Variants in NELL2 observed in about 807,000 individuals in gnomAD.
The protein encoded by NELL2 is protein kinase C-binding protein NELL2.
In NELL2, 41 loss-of-function variants were observed where a neutral mutation model predicts 109.6. The ratio of observed to expected loss-of-function variants is 0.37; its 90% CI spans 0.29 to 0.49. The LOEUF is 0.49. Among genes scored for constraint, NELL2 ranks in the 20% least tolerant of loss-of-function variants. The pLI is 0.98. For missense variants in NELL2, 900 were observed against 1,008.3 expected (o/e 0.89, Z 1.45); for synonymous variants, 355 against 344.7 (o/e 1.03, Z -0.33).
At chr12:44,635,748 G>T (rs1800257540) in intron 13 of NELL2, among the ~76,000 whole-genome samples, 1 of 152,066 alleles carries the variant, frequency 6.6e-6, no homozygotes, top group South Asian at 2.1e-4. Flanking sequence ...CTTTGCTTAG[G>T]ATTGTCTTGG....
At chr12:44,776,477 GCTT>G (rs1214509525) in intron 7 of NELL2, among the ~76,000 whole-genome samples, 1 of 152,072 alleles carries the variant, frequency 6.6e-6, no homozygotes, top group Non-Finnish European at 1.5e-5. Flanking sequence ...TCATTTATAT[GCTT>G]CTTCAAGTAA....
At chr12:44,512,714 G>A (rs1941054649) in intron 19 of NELL2, among the ~76,000 whole-genome samples, 1 of 152,016 alleles carries the variant, frequency 6.6e-6, no homozygotes, top group South Asian at 2.1e-4. Flanking sequence ...AATAAGCCAG[G>A]TGCAGAAAGA....
chr12:44,538,718 C>G (rs1942403906), intron 15 of NELL2, among the ~76,000 whole-genome samples: 2 of 152,054 alleles, frequency 1.3e-5, no homozygotes, highest in South Asian at 4.2e-4. Context: ...AAAGTGGAGA[C>G]AAGGATAAAG....
At chr12:44,564,444 A>G (rs917641774) in intron 15 of NELL2, among the ~76,000 whole-genome samples, 3 of 152,236 alleles carry the variant, frequency 2.0e-5, no homozygotes, top group African/African-American at 7.2e-5. Flanking sequence ...CAGTATTTAT[A>G]TAGTATCCTC....
At chr12:44,658,922 G>A (rs1226303179) in intron 13 of NELL2, among the ~76,000 whole-genome samples, 1 of 150,908 alleles carries the variant, frequency 6.6e-6, no homozygotes, top group East Asian at 1.9e-4. Context: ...AACAAAGTTG[G>A]AGGCATCACA....
At chr12:44,801,099 A>G (rs1185348156) in intron 3 of NELL2, among the ~76,000 whole-genome samples, 6 of 152,122 alleles carry the variant, frequency 3.9e-5, no homozygotes, top group Non-Finnish European at 8.8e-5. Context: ...AACAGAACCA[A>G]CCTTGCCCTA....
chr12:44,643,595 T>A (rs1042044197), intron 13 of NELL2, among the ~76,000 whole-genome samples: 1 of 152,200 alleles, frequency 6.6e-6, no homozygotes, highest in African/African-American at 2.4e-5. Flanking sequence ...TTTCACCATA[T>A]CCTGTGTACA....
At chr12:44,532,192 T>C (rs912556887) in intron 16 of NELL2, among the ~76,000 whole-genome samples, 18 of 152,174 alleles carry the variant, frequency 1.2e-4, no homozygotes, top group African/African-American at 4.3e-4. Flanking sequence ...CTTGGCCACA[T>C]CATCATTGCA....
chr12:44,746,701 C>G (rs534076592), intron 9 of NELL2, among the ~76,000 whole-genome samples: 196 of 152,284 alleles, frequency 1.3e-3, no homozygotes, highest in African/African-American at 4.6e-3. Context: ...TGAAAAAATG[C>G]TCATCATCAC....
chr12:44,575,542 C>T (rs1425002211), intron 15 of NELL2, among the ~76,000 whole-genome samples: 1 of 152,126 alleles, frequency 6.6e-6, no homozygotes, highest in South Asian at 2.1e-4. Flanking sequence ...TTGGTCTTGC[C>T]TTTTGGGTGT....
At chr12:44,694,190 A>G (rs1233830336) in intron 12 of NELL2, among the ~76,000 whole-genome samples, 1 of 152,166 alleles carries the variant, frequency 6.6e-6, no homozygotes, top group Non-Finnish European at 1.5e-5. Flanking sequence ...TAGACTGAGT[A>G]AAGCAGATTA....
chr12:44,576,021 G>A (rs1259581773), intron 15 of NELL2, among the ~76,000 whole-genome samples: 1 of 152,102 alleles, frequency 6.6e-6, no homozygotes, highest in Non-Finnish European at 1.5e-5. Context: ...CAGGCACATT[G>A]GTCCTCTTTC....
At chr12:44,547,057 G>A (rs753102936) in intron 15 of NELL2, among the ~76,000 whole-genome samples, 3 of 152,076 alleles carry the variant, frequency 2.0e-5, no homozygotes, top group African/African-American at 2.4e-5. Flanking sequence ...ATGATATGGG[G>A]TACCTAAAAG....
Position 44,643,135 on chromosome 12 carries a change from T to C in NELL2, c.1444+22349A>G, listed in dbSNP as rs1212054000. On this transcript the variant is annotated intron_variant, in intron 13 of 19. Transcript: ENST00000429094. ...TATTATGTATTAAAGTATTAAAATGTGCACAATTGAGGCCTAATAACACTA... is the reference window on the plus strand; with the variant it reads ...TATTATGTATTAAAGTATTAAAATGCGCACAATTGAGGCCTAATAACACTA... Among the ~76,000 whole-genome samples the C allele has an allele frequency of 3.3e-5, 5 of 152,206 alleles. No individual in the cohort carries two copies. In the South Asian group the frequency reaches 8.3e-4, roughly 25 times the overall value.
intron 9 of NELL2, among the ~76,000 whole-genome samples, chr12:44,758,566 C>A (rs1306963166): frequency 6.6e-6 from 1 of 152,098 alleles, no homozygotes; most frequent in African/African-American, 2.4e-5. Context: ...ATATGAAACA[C>A]CTTACTCAAT....
rs1051990373 is a variant in NELL2, at chr12:44,771,567, T to C, written c.994+3180A>G. Among the ~76,000 whole-genome samples, 9 of 152,338 alleles carry C rather than the reference T, an allele frequency of 5.9e-5. No homozygotes were observed. In the South Asian group the frequency reaches 6.2e-4, roughly 11 times the overall value. ...GGCTTCATTATGGCTGTAATTACTA[T>C]GGCTTTAACGATTTGGCCTTGGCAT... On this transcript the variant is annotated intron_variant, in intron 9 of 19. Transcript: ENST00000429094.
intron 15 of NELL2, among the ~76,000 whole-genome samples, chr12:44,553,685 A>G (rs1943130026): frequency 6.6e-6 from 1 of 152,224 alleles, no homozygotes; most frequent in Non-Finnish European, 1.5e-5. Flanking sequence ...ATCGAAAATC[A>G]CATGTACCCC....
intron 13 of NELL2, among the ~76,000 whole-genome samples, chr12:44,653,527 T>C (rs1331512554): frequency 6.6e-6 from 1 of 152,202 alleles, no homozygotes; most frequent in East Asian, 1.9e-4. Flanking sequence ...GGTAGTTCAC[T>C]ATATTTTTGC....
chr12:44,689,922 C>T (rs1948848341), intron 12 of NELL2, among the ~76,000 whole-genome samples: 1 of 152,164 alleles, frequency 6.6e-6, no homozygotes. Flanking sequence ...CACTCTGATA[C>T]ACAGGAATAT....
Sources: allele counts gnomAD v4.1 joint callset (sites outside exome capture counted in the v4.1 genomes callset), GRCh38; gene constraint gnomAD v4.1.1; transcripts MANE v1.5; gene names NCBI Gene and HGNC (gene_info 2026-07-23, HGNC 2026-07-21).